Variants in FAF1 observed in about 807,000 individuals in gnomAD.
The protein encoded by FAF1 is FAS-associated factor 1.
FAF1 carries 25 observed loss-of-function variants against 92.5 expected under a neutral mutation model. The observed-to-expected ratio is 0.27, with a 90% CI of 0.20 to 0.38. The LOEUF is 0.38. Ranked by LOEUF, FAF1 falls within the 10% of genes least tolerant of loss-of-function variation. The pLI is 1.00. For missense variants in FAF1, 636 were observed against 793.3 expected (o/e 0.80, Z 2.38); for synonymous variants, 234 against 273.2 (o/e 0.86, Z 1.42).
chr1:50,815,068 T>C (rs979317892), intron 2 of FAF1, among the ~76,000 whole-genome samples: 3 of 152,238 alleles, frequency 2.0e-5, no homozygotes, highest in African/African-American at 7.2e-5. Flanking sequence ...TAAAAAGATA[T>C]TTTAAAATTA....
chr1:50,715,211 T>A (rs1156656482), intron 6 of FAF1, among the ~76,000 whole-genome samples: 1 of 152,232 alleles, frequency 6.6e-6, no homozygotes, highest in African/African-American at 2.4e-5. Flanking sequence ...AAATGAAAGT[T>A]AACATTATTA....
intron 7 of FAF1, among the ~76,000 whole-genome samples, chr1:50,698,625 A>G (rs1569790440): frequency 2.6e-5 from 4 of 152,114 alleles, no homozygotes; most frequent in South Asian, 2.1e-4. Context: ...TTTTTCTTGA[A>G]ATGTTTTTCT....
At chr1:50,851,206 G>A (rs1270468993) in intron 2 of FAF1, among the ~76,000 whole-genome samples, 1 of 150,668 alleles carries the variant, frequency 6.6e-6, no homozygotes, top group Non-Finnish European at 1.5e-5. Flanking sequence ...TCAGCCTCCT[G>A]AGTAGCTGGG....
At chr1:50,871,291 T>G (rs532610564) in intron 1 of FAF1, among the ~76,000 whole-genome samples, 1 of 152,364 alleles carries the variant, frequency 6.6e-6, no homozygotes, top group South Asian at 2.1e-4. Context: ...TAGTAAGTTT[T>G]ATTCAGGACC....
intron 8 of FAF1, among the ~76,000 whole-genome samples, chr1:50,607,962 G>C (rs541331128): frequency 6.6e-6 from 1 of 152,342 alleles, no homozygotes; most frequent in East Asian, 1.9e-4. Context: ...ATTCAAGGGT[G>C]GACCAGAGGT....
At position 50,490,384 on chromosome 1, in the gene FAF1, AAAGGAAGGAAGGAAGGAAGG is replaced by A. The variant is rs199911582; in HGVS notation, c.1653+184_1653+203del. ...TGACAGAGCGAAGACTCTATCTCAA[AAAGGAAGGAAGGAAGGAAGG>A]AAGGAAGGAAGGAAGGAAGGAAGGA... On this transcript the variant is annotated intron_variant, in intron 17 of 18. Coordinates refer to ENST00000396153, the MANE Select transcript of FAF1 (RefSeq NM_007051.3). Among the ~76,000 whole-genome samples the A allele has an allele frequency of 3.1e-3, 109 of 34,832 alleles. 2 individuals carry two copies. The highest frequency in any genetic ancestry group is 0.014 in the East Asian group (20 of 1,394). 22.9% of individuals were successfully genotyped at this position (34,832 alleles called of 152,430 possible).
At chr1:50,589,072 AG>A (rs147485956) in intron 9 of FAF1, among the ~76,000 whole-genome samples, 2,100 of 152,286 alleles carry the variant, frequency 0.014, 46 homozygotes, top group African/African-American at 0.047. Flanking sequence ...GCACAGTGGT[AG>A]GGGCAGGAGC....
At chr1:50,860,321 C>T (rs980332837) in intron 1 of FAF1, among the ~76,000 whole-genome samples, 1 of 151,880 alleles carries the variant, frequency 6.6e-6, no homozygotes, top group Admixed American at 6.6e-5. Flanking sequence ...AACATACAAC[C>T]TACAGAATAG....
intron 18 of FAF1, among the ~76,000 whole-genome samples, chr1:50,458,825 C>T (rs1057109880): frequency 5.9e-5 from 9 of 152,298 alleles, no homozygotes; most frequent in Admixed American, 5.2e-4. Flanking sequence ...CTATGAATTT[C>T]GTACTATCAT....
intron 1 of FAF1, among the ~76,000 whole-genome samples, chr1:50,867,035 T>C (rs1241399727): frequency 6.6e-6 from 1 of 151,896 alleles, no homozygotes; most frequent in Non-Finnish European, 1.5e-5. Flanking sequence ...TAAAGCCAAA[T>C]ACTTATAGCC....
chr1:50,922,185 G>A lies in FAF1; in HGVS notation c.45+37582C>T, dbSNP rs142113363. ...CCGTCTCAAAAAAAAAAGGCCAGGC[G>A]CAGTGGCTCACACCTGTAATCCCCA... On this transcript the variant is annotated intron_variant, in intron 1 of 18. Coordinates refer to ENST00000396153, the MANE Select transcript of FAF1 (RefSeq NM_007051.3). Among the ~76,000 whole-genome samples the A allele has an allele frequency of 4.4e-3, 663 of 151,192 alleles. 7 individuals are homozygous for A. The highest frequency in any genetic ancestry group is 5.3e-3 in the Non-Finnish European group (361 of 67,762).
chr1:50,533,101 C>G (rs1019486402), intron 15 of FAF1, among the ~76,000 whole-genome samples: 2 of 152,106 alleles, frequency 1.3e-5, no homozygotes, highest in Non-Finnish European at 2.9e-5. Context: ...CAGGTGTGAG[C>G]CACTGTGCTG....
At position 50,439,712 on chromosome 1, in the gene FAF1, G is replaced by A. The variant is rs997915049; in HGVS notation, c.*1728C>T. 8 of 152,094 alleles carry A rather than the reference G, an allele frequency of 5.3e-5. No homozygotes were observed. The highest frequency in any genetic ancestry group is 1.0e-4 in the Non-Finnish European group (7 of 68,008). 9.4% of individuals were successfully genotyped at this position (152,094 alleles called of 1,614,324 possible). On this transcript the variant is annotated 3_prime_UTR_variant, in exon 19 of 19. Coordinates refer to ENST00000396153, the MANE Select transcript of FAF1 (RefSeq NM_007051.3). Reference sequence around the variant, plus strand: ...GGTCTACCTAGAAAAAAAAAGAGGTGGTGCCCTGGTGCATCTGTAGCACTG... The same window carrying A: ...GGTCTACCTAGAAAAAAAAAGAGGTAGTGCCCTGGTGCATCTGTAGCACTG...
intron 1 of FAF1, among the ~76,000 whole-genome samples, chr1:50,908,211 G>C (rs1007302927): frequency 6.6e-6 from 1 of 152,192 alleles, no homozygotes; most frequent in Non-Finnish European, 1.5e-5. Context: ...CTGAGTTCTA[G>C]TTTGATTGCA....
intron 1 of FAF1, among the ~76,000 whole-genome samples, chr1:50,918,174 CTTTTTTTTTTTTTTTAA>C (rs1371699990): frequency 7.7e-6 from 1 of 130,104 alleles, no homozygotes; most frequent in Non-Finnish European, 1.7e-5. Context: ...ATGTAAATTT[CTTTTTTTTTTTTTTTAA>C]TTTTTTTTTT....
At chr1:50,765,614 C>CT (rs1309444905) in intron 4 of FAF1, among the ~76,000 whole-genome samples, 2 of 152,086 alleles carry the variant, frequency 1.3e-5, no homozygotes, top group African/African-American at 4.8e-5. Flanking sequence ...CTTACAATAA[C>CT]TAAGATGAAA....
intron 7 of FAF1, among the ~76,000 whole-genome samples, chr1:50,675,852 G>C (rs546517917): frequency 3.9e-5 from 6 of 152,274 alleles, no homozygotes; most frequent in Admixed American, 1.3e-4. Flanking sequence ...AGGTATAAGA[G>C]GCCATTATAG....
chr1:50,609,520 T>TA (rs1652595318), intron 8 of FAF1, among the ~76,000 whole-genome samples: 1 of 152,142 alleles, frequency 6.6e-6, no homozygotes, highest in Non-Finnish European at 1.5e-5. Context: ...GAGCAGCTGA[T>TA]ACTACAGGCA....
intron 6 of FAF1, among the ~76,000 whole-genome samples, chr1:50,734,761 C>CT (rs1659073783): frequency 6.7e-6 from 1 of 150,180 alleles, no homozygotes; most frequent in East Asian, 1.9e-4. Context: ...AAAAGAAAAA[C>CT]ACATGTAGTA....
Sources: gnomAD v4.1 joint callset for allele counts (sites outside exome capture counted in the v4.1 genomes callset) on GRCh38, gnomAD v4.1.1 for gene constraint, MANE v1.5 for transcripts, NCBI Gene and HGNC (gene_info 2026-07-23, HGNC 2026-07-21) for gene names.